Variants in PTPRG observed in about 807,000 individuals in gnomAD.
PTPRG encodes the protein protein tyrosine phosphatase receptor type G, also known as receptor-type tyrosine-protein phosphatase gamma.
PTPRG carries 102 observed loss-of-function variants against 165.3 expected under a neutral mutation model. The ratio of observed to expected loss-of-function variants is 0.62; its 90% CI spans 0.53 to 0.73. The LOEUF (loss-of-function observed/expected upper bound fraction) is 0.73, where lower values mean the gene tolerates loss of function less well. Among genes scored for constraint, PTPRG ranks in the 30% least tolerant of loss-of-function variants. The probability of loss-of-function intolerance (pLI) is 0.00; values close to 1 mark genes in which losing one functional copy is unlikely to be tolerated. For missense variants in PTPRG, 1,866 were observed against 1,861.4 expected (o/e 1.00, Z -0.05); for synonymous variants, 675 against 669.5 (o/e 1.01, Z -0.13).
At chr3:62,159,463 C>T (rs1423072265) in intron 7 of PTPRG, among the ~76,000 whole-genome samples, 2 of 152,144 alleles carry the variant, frequency 1.3e-5, no homozygotes, top group Non-Finnish European at 2.9e-5. Flanking sequence ...TTAACATATG[C>T]TGGGTTTCAT....
intron 4 of PTPRG, among the ~76,000 whole-genome samples, chr3:62,030,585 TCAGTTGAC>T (rs1282587432): frequency 6.6e-6 from 1 of 152,150 alleles, no homozygotes; most frequent in African/African-American, 2.4e-5. Context: ...CATTGATCAA[TCAGTTGAC>T]CAGCAAGTGA....
At chr3:62,102,031 C>T (rs1168364088) in intron 5 of PTPRG, among the ~76,000 whole-genome samples, 2 of 152,026 alleles carry the variant, frequency 1.3e-5, no homozygotes, top group African/African-American at 2.4e-5. Context: ...TCCTTCTTTC[C>T]TATTTAAAAT....
At chr3:61,873,622 T>C (rs1214349559) in intron 2 of PTPRG, among the ~76,000 whole-genome samples, 2 of 152,202 alleles carry the variant, frequency 1.3e-5, no homozygotes, top group African/African-American at 2.4e-5. Context: ...TTATACAATA[T>C]TGTATTTTTG....
At chr3:61,918,491 A>G (rs1393813158) in intron 2 of PTPRG, among the ~76,000 whole-genome samples, 1 of 152,156 alleles carries the variant, frequency 6.6e-6, no homozygotes, top group Non-Finnish European at 1.5e-5. Flanking sequence ...GATACTAATT[A>G]TTCTTTTGGA....
At chr3:61,612,005 C>G (rs1701184443) in intron 1 of PTPRG, among the ~76,000 whole-genome samples, 2 of 152,150 alleles carry the variant, frequency 1.3e-5, no homozygotes, top group South Asian at 2.1e-4. Context: ...TGCAGTGGCA[C>G]TATCTCGGCT....
Position 62,237,049 on chromosome 3 carries a change from T to C in PTPRG, c.2375+5738T>C, listed in dbSNP as rs987966713. Among the ~76,000 whole-genome samples the C allele has an allele frequency of 1.3e-5, 2 of 152,214 alleles. No individual in the cohort carries two copies. Among genetic ancestry groups the C allele is most frequent in the Non-Finnish European group, 2.9e-5 (2 of 68,040 alleles). ...CCAGACATTTCTAATGTTCAGTCTT[T>C]CTGCACTCAAGTTCAGCACTTTGCT... On this transcript the variant is annotated intron_variant, in intron 14 of 29. Coordinates refer to ENST00000474889, the MANE Select transcript of PTPRG (RefSeq NM_002841.4). The surrounding 1 kb of genome is among the most constrained non-coding windows in gnomAD (Gnocchi z 4.5).
intron 19 of PTPRG, among the ~76,000 whole-genome samples, chr3:62,268,558 A>G (rs548526563): frequency 6.6e-6 from 1 of 152,262 alleles, no homozygotes; most frequent in South Asian, 2.1e-4. Context: ...CCTGCTCAAA[A>G]TCACCACTGC....
rs929562994 is a variant in PTPRG, at chr3:61,786,516, T to C, written c.190+37534T>C. ...TTTTAAAGAGCCAGGCTGGTTATCG[T>C]AACTATTATAGGAATTCAAGGGTGG... On this transcript the variant is annotated intron_variant, in intron 2 of 29. Transcript: ENST00000474889. Among the ~76,000 whole-genome samples the C allele has an allele frequency of 2.0e-5, 3 of 152,192 alleles. No homozygotes were observed. The East Asian group carries it at 5.8e-4, about 29-fold the overall frequency.
intron 1 of PTPRG, among the ~76,000 whole-genome samples, chr3:61,705,863 T>A (rs1399020398): frequency 2.0e-5 from 3 of 152,204 alleles, no homozygotes; most frequent in Non-Finnish European, 4.4e-5. Flanking sequence ...TTCTTCCTTT[T>A]TATCTTTTGC....
chr3:62,020,696 T>C (rs939465722), intron 4 of PTPRG, among the ~76,000 whole-genome samples: 2 of 151,992 alleles, frequency 1.3e-5, no homozygotes, highest in African/African-American at 4.8e-5. Context: ...GGCTTATTTC[T>C]GGTTTTGTTG....
chr3:61,668,402 CT>C (rs1702869306), intron 1 of PTPRG, among the ~76,000 whole-genome samples: 2 of 152,114 alleles, frequency 1.3e-5, no homozygotes, highest in African/African-American at 4.8e-5. Context: ...GAAAGCCCGG[CT>C]TTAACTCTGC....
At position 62,135,295 on chromosome 3, in the gene PTPRG, A is replaced by G. The variant is rs149934666; in HGVS notation, c.682+2627A>G. 2.5e-3 allele frequency among the ~76,000 whole-genome samples: 382 copies of G among 151,982 alleles called. No individual in the cohort carries two copies. In the Middle Eastern group the frequency reaches 0.041, roughly 16 times the overall value. On this transcript the variant is annotated intron_variant, in intron 6 of 29. Coordinates refer to ENST00000474889, the MANE Select transcript of PTPRG (RefSeq NM_002841.4). ...CAAAAAAAAAAAAAAAAGAAATAAAAATAAAAAAGCTTTTGTTGGAACTAG... is the reference window on the plus strand; with the variant it reads ...CAAAAAAAAAAAAAAAAGAAATAAAGATAAAAAAGCTTTTGTTGGAACTAG...
intron 3 of PTPRG, among the ~76,000 whole-genome samples, chr3:62,002,967 GCCCCA>G (rs1217621448): frequency 4.6e-5 from 7 of 152,132 alleles, no homozygotes; most frequent in African/African-American, 1.7e-4. Flanking sequence ...TCTTGGGGTA[GCCCCA>G]TGAATCAGTG....
rs532196542 is a variant in PTPRG at position 62,228,705 on chromosome 3, T to C, written c.2289-2520T>C. On this transcript the variant is annotated intron_variant, in intron 13 of 29. Transcript: ENST00000474889. The surrounding 1 kb of genome is among the most constrained non-coding windows in gnomAD (Gnocchi z 4.1). ...TGTTAACGGGTAGAATCAGATTCTT[T>C]TCTGGAAGATTCTACATGTACAAAG... Among the ~76,000 whole-genome samples the C allele has an allele frequency of 2.0e-5, 3 of 152,286 alleles. No homozygotes were observed. The highest frequency in any genetic ancestry group is 2.9e-5 in the Non-Finnish European group (2 of 68,022).
At chr3:61,680,213 C>A (rs1008616877) in intron 1 of PTPRG, among the ~76,000 whole-genome samples, 1 of 152,078 alleles carries the variant, frequency 6.6e-6, no homozygotes, top group East Asian at 1.9e-4. Flanking sequence ...ATTAACAGTG[C>A]CCCCTTTCAC....
At chr3:61,703,353 G>T (rs2031078473) in intron 1 of PTPRG, among the ~76,000 whole-genome samples, 1 of 152,218 alleles carries the variant, frequency 6.6e-6, no homozygotes, top group Non-Finnish European at 1.5e-5. Context: ...GGGTTGTAAA[G>T]AAATCAGTTA....
In PTPRG at chr3:62,297,195, A is replaced by T. The variant is rs1020704557; in HGVS notation, c.*3888A>T. On this transcript the variant is annotated 3_prime_UTR_variant, in exon 30 of 30. Transcript: ENST00000474889. ...AATTTTATATTTTCATATAAAGCTA[A>T]TTTTTTTCTAGTTTCAACTCCGTCA... is the stretch of plus-strand genomic sequence containing the variant. The T allele has an allele frequency of 6.6e-5, 10 of 151,826 alleles. No individual in the cohort carries two copies. The highest frequency in any genetic ancestry group is 7.3e-5 in the African/African-American group (3 of 41,366). 9.4% of individuals were successfully genotyped at this position (151,826 alleles called of 1,614,324 possible). A position where few individuals can be genotyped will look rare whatever the true frequency, so the allele number is the denominator to read the frequency against.
intron 2 of PTPRG, among the ~76,000 whole-genome samples, chr3:61,897,411 T>C (rs1238973982): frequency 1.3e-5 from 2 of 152,198 alleles, no homozygotes; most frequent in Non-Finnish European, 2.9e-5. Context: ...TGTTTGAGTC[T>C]ATTTCTGGGT....
At chr3:62,230,148 A>G (rs1241409252) in intron 13 of PTPRG, among the ~76,000 whole-genome samples, 2 of 152,212 alleles carry the variant, frequency 1.3e-5, no homozygotes, top group Admixed American at 6.5e-5. Context: ...TCGTATTTCC[A>G]AGTTTGACTT....
Sources: gnomAD v4.1 joint callset for allele counts (sites outside exome capture counted in the v4.1 genomes callset) on GRCh38, gnomAD v4.1.1 for gene constraint, Gnocchi (gnomAD v3.1) non-coding constraint, MANE v1.5 for transcripts, NCBI Gene and HGNC (gene_info 2026-07-23, HGNC 2026-07-21) for gene names.